The following IGF1 variants were observed in gnomAD, a reference collection of about 807,000 sequenced individuals.
IGF1 encodes the protein insulin-like growth factor 1.
In IGF1, 4 loss-of-function variants were observed where a neutral mutation model predicts 13.8. The observed-to-expected ratio is 0.29, with a 90% confidence interval of 0.14 to 0.66. The LOEUF is 0.66. Ranked by LOEUF, IGF1 falls within the 30% of genes least tolerant of loss-of-function variation. IGF1 has a pLI of 0.78. For synonymous variants in IGF1, 76 were observed against 72.6 expected (o/e 1.05, Z -0.23); for missense variants, 124 against 188.5 (o/e 0.66, Z 2.00).
chr12:102,414,378 A>G (rs140168623), intron 3 of IGF1, among the ~76,000 whole-genome samples: 1 of 152,228 alleles, frequency 6.6e-6, no homozygotes, highest in Non-Finnish European at 1.5e-5. Flanking sequence ...GGTAGTCTGA[A>G]TCTACATTTT....
chr12:102,446,122 G>A (rs533314731), intron 2 of IGF1, among the ~76,000 whole-genome samples: 5 of 152,282 alleles, frequency 3.3e-5, no homozygotes, highest in Non-Finnish European at 5.9e-5. Context: ...GATTCAGTTT[G>A]CCAGTATTTT....
At chr12:102,435,722 G>T (rs1877168875) in intron 2 of IGF1, among the ~76,000 whole-genome samples, 1 of 152,192 alleles carries the variant, frequency 6.6e-6, no homozygotes, top group Non-Finnish European at 1.5e-5. Context: ...TTCTGTGGGG[G>T]TTCCTGAAGC....
chr12:102,447,447 T>A (rs555537070), intron 2 of IGF1, among the ~76,000 whole-genome samples: 1 of 152,354 alleles, frequency 6.6e-6, no homozygotes, highest in East Asian at 1.9e-4. Context: ...AGTTAGCTCT[T>A]CTTGTTGCAT....
At chr12:102,411,984 G>A (rs1354684278) in intron 3 of IGF1, among the ~76,000 whole-genome samples, 1 of 152,184 alleles carries the variant, frequency 6.6e-6, no homozygotes, top group Non-Finnish European at 1.5e-5. Context: ...ACCTTTGGTT[G>A]TAATGGGTCA....
chr12:102,464,044 G>C (rs1311297424), intron 2 of IGF1, among the ~76,000 whole-genome samples: 2 of 152,190 alleles, frequency 1.3e-5, no homozygotes, highest in Non-Finnish European at 2.9e-5. Context: ...TGCTCCAGCT[G>C]TGATTCATAC....
intron 2 of IGF1, among the ~76,000 whole-genome samples, chr12:102,431,571 A>G (rs533571785): frequency 6.6e-6 from 1 of 152,240 alleles, no homozygotes; most frequent in East Asian, 1.9e-4. Flanking sequence ...AAGGTTAAGT[A>G]CCTTGACCTA....
chr12:102,446,771 A>G (rs1878373328), intron 2 of IGF1, among the ~76,000 whole-genome samples: 1 of 151,610 alleles, frequency 6.6e-6, no homozygotes, highest in Non-Finnish European at 1.5e-5. Context: ...CTAGTTTTCG[A>G]ATTTGTTTGC....
chr12:102,476,602 C>T, intron 1 of IGF1, among the ~76,000 whole-genome samples: 1 of 152,196 alleles, frequency 6.6e-6, no homozygotes, highest in East Asian at 1.9e-4. Context: ...AATATCAAAT[C>T]AACACGTGTT....
At chr12:102,470,467 A>G (rs569990972) in intron 2 of IGF1, among the ~76,000 whole-genome samples, 1 of 152,356 alleles carries the variant, frequency 6.6e-6, no homozygotes, top group African/African-American at 2.4e-5. Context: ...GTCCTTTACT[A>G]TTTAAAGACA....
chr12:102,420,177 C>T (rs777794175), intron 2 of IGF1, among the ~76,000 whole-genome samples: 9 of 152,122 alleles, frequency 5.9e-5, no homozygotes, highest in Admixed American at 5.9e-4. Flanking sequence ...GGAAAGGGCT[C>T]CTCATTTTAC....
Position 102,418,986 on chromosome 12 carries a change from G to A in IGF1, c.402+523C>T, listed in dbSNP as rs1397407342. 2.0e-5 allele frequency among the ~76,000 whole-genome samples: 3 copies of A among 152,208 alleles called. No homozygotes were observed. The South Asian group carries it at 6.2e-4, about 31-fold the overall frequency. Reference sequence around the variant, plus strand: ...AGCCTTTTATTTTCTTTGGAAGATTGTAGAATCTCAGAACTTGAAAGGTTA... The same window carrying A: ...AGCCTTTTATTTTCTTTGGAAGATTATAGAATCTCAGAACTTGAAAGGTTA... On this transcript the variant is annotated intron_variant, in intron 3 of 3. Transcript: ENST00000337514.
intron 2 of IGF1, among the ~76,000 whole-genome samples, chr12:102,441,933 T>TCTCCTTCTCCTTCTCCTTCTC (rs1182729472): frequency 7.5e-6 from 1 of 133,900 alleles, no homozygotes; most frequent in Admixed American, 8.5e-5. Flanking sequence ...TTCTTCTTCT[T>TCTCCTTCTCCTTCTCCTTCTC]CTTCTTCTTC....
At chr12:102,443,980 A>G (rs559991199) in intron 2 of IGF1, among the ~76,000 whole-genome samples, 3 of 151,930 alleles carry the variant, frequency 2.0e-5, no homozygotes, top group Non-Finnish European at 4.4e-5. Context: ...GGTGCCTGCC[A>G]CCATGTCTGG....
chr12:102,426,145 A>G (rs922221956), intron 2 of IGF1, among the ~76,000 whole-genome samples: 2 of 152,234 alleles, frequency 1.3e-5, no homozygotes, highest in Non-Finnish European at 2.9e-5. Context: ...CCAATGACAG[A>G]AGCAATATGT....
At chr12:102,471,707 G>GACCGCCAAGGTAAAGCATATA (rs1880698838) in intron 2 of IGF1, among the ~76,000 whole-genome samples, 1 of 152,090 alleles carries the variant, frequency 6.6e-6, no homozygotes, top group South Asian at 2.1e-4. Context: ...CATTTCCCCA[G>GACCGCCAAGGTAAAGCATATA]ACCGCCAAGG....
At chr12:102,426,394 G>A (rs183976215) in intron 2 of IGF1, among the ~76,000 whole-genome samples, 7 of 152,314 alleles carry the variant, frequency 4.6e-5, no homozygotes, top group Non-Finnish European at 1.0e-4. Flanking sequence ...TTATTATTAT[G>A]GTGTTGAATT....
chr12:102,466,766 G>C (rs1880362418), intron 2 of IGF1, among the ~76,000 whole-genome samples: 1 of 152,060 alleles, frequency 6.6e-6, no homozygotes, highest in Admixed American at 6.5e-5. Flanking sequence ...AGCCAGCTGT[G>C]GTGGCATGCG....
chr12:102,430,028 G>A (rs1876598641), intron 2 of IGF1, among the ~76,000 whole-genome samples: 2 of 152,156 alleles, frequency 1.3e-5, no homozygotes, highest in Admixed American at 1.3e-4. Flanking sequence ...GGGACACTGG[G>A]CCAGGATAAC....
chr12:102,458,069 T>A (rs17882696), intron 2 of IGF1, among the ~76,000 whole-genome samples: 735 of 152,332 alleles, frequency 4.8e-3, no homozygotes, highest in Non-Finnish European at 8.0e-3. Context: ...CTAAGTTGGA[T>A]CCATTTCTGG....
Sources: gnomAD v4.1 joint callset for allele counts (sites outside exome capture counted in the v4.1 genomes callset) on GRCh38, gnomAD v4.1.1 for gene constraint, MANE v1.5 for transcripts, NCBI Gene and HGNC (gene_info 2026-07-23, HGNC 2026-07-21) for gene names.